The following ASIC2 variants were observed in gnomAD, a reference collection of about 807,000 sequenced individuals.
The protein encoded by ASIC2 is acid-sensing ion channel 2.
ASIC2 carries 25 observed loss-of-function variants against 57.3 expected under a neutral mutation model. The ratio of observed to expected loss-of-function variants is 0.44; its 90% CI spans 0.32 to 0.61. The LOEUF is 0.61. Among genes scored for constraint, ASIC2 ranks in the 20% least tolerant of loss-of-function variants. The probability of loss-of-function intolerance (pLI) is 0.06; values close to 1 mark genes in which losing one functional copy is unlikely to be tolerated. For synonymous variants in ASIC2, 319 were observed against 307.5 expected, an observed-to-expected ratio of 1.04 and a Z score of -0.39; for missense variants, 641 against 738.1, an observed-to-expected ratio of 0.87 and a Z score of 1.52.
At chr17:33,434,901 T>G (rs1277607087) in intron 1 of ASIC2, among the ~76,000 whole-genome samples, 1 of 152,210 alleles carries the variant, frequency 6.6e-6, no homozygotes, top group Non-Finnish European at 1.5e-5. Context: ...TGCAGATTTT[T>G]TTCTAATTTT....
intron 1 of ASIC2, among the ~76,000 whole-genome samples, chr17:33,437,929 A>G (rs62068474): frequency 0.35 from 53,008 of 152,046 alleles, 9,322 homozygotes; most frequent in Middle Eastern, 0.44. Context: ...ACTAGGTTGA[A>G]GTCATGAGAG....
At chr17:33,554,250 T>C (rs1198185997) in intron 1 of ASIC2, among the ~76,000 whole-genome samples, 1 of 152,176 alleles carries the variant, frequency 6.6e-6, no homozygotes, top group Non-Finnish European at 1.5e-5. Context: ...TCAGTTTGAG[T>C]CTACACAAAT....
chr17:33,071,017 C>G (rs1194884608), intron 3 of ASIC2, among the ~76,000 whole-genome samples: 1 of 151,538 alleles, frequency 6.6e-6, no homozygotes, highest in Non-Finnish European at 1.5e-5. Context: ...AGTTATTTTT[C>G]TCTGGACGCT....
intron 1 of ASIC2, among the ~76,000 whole-genome samples, chr17:33,314,392 T>C (rs558388052): frequency 2.0e-5 from 3 of 152,348 alleles, no homozygotes; most frequent in African/African-American, 7.2e-5. Flanking sequence ...TGGCTGAGCA[T>C]GCATATTTCC....
intron 1 of ASIC2, among the ~76,000 whole-genome samples, chr17:33,526,279 A>G (rs930706701): frequency 6.6e-6 from 1 of 152,182 alleles, no homozygotes; most frequent in African/African-American, 2.4e-5. Flanking sequence ...CTTGCAGGGC[A>G]GCAGAGGATG....
intron 1 of ASIC2, among the ~76,000 whole-genome samples, chr17:33,907,260 T>C (rs1376686204): frequency 6.6e-6 from 1 of 152,048 alleles, no homozygotes; most frequent in African/African-American, 2.4e-5. Flanking sequence ...ATCCTGGGGG[T>C]CAGGCGATAA....
At chr17:33,225,887 AC>A (rs1463100639) in intron 1 of ASIC2, among the ~76,000 whole-genome samples, 1 of 152,224 alleles carries the variant, frequency 6.6e-6, no homozygotes, top group Non-Finnish European at 1.5e-5. Context: ...TAATATGGTT[AC>A]CCAAAACCTT....
chr17:33,202,186 C>T (rs1906895115), intron 1 of ASIC2, among the ~76,000 whole-genome samples: 1 of 152,154 alleles, frequency 6.6e-6, no homozygotes, highest in African/African-American at 2.4e-5. Context: ...GCATCAGAAC[C>T]AGCAGGTGGC....
At chr17:33,241,264 A>G (rs577697117) in intron 1 of ASIC2, among the ~76,000 whole-genome samples, 1 of 152,376 alleles carries the variant, frequency 6.6e-6, no homozygotes, top group African/African-American at 2.4e-5. Flanking sequence ...TGGTTCTTGA[A>G]CAGAGGTAGA....
chr17:33,563,830 G>A (rs1916149247), intron 1 of ASIC2, among the ~76,000 whole-genome samples: 2 of 152,202 alleles, frequency 1.3e-5, no homozygotes, highest in South Asian at 2.1e-4. Context: ...GGATGCTAGA[G>A]CCAGGTTTCT....
At chr17:33,783,400 T>C (rs546768189) in intron 1 of ASIC2, among the ~76,000 whole-genome samples, 1 of 152,344 alleles carries the variant, frequency 6.6e-6, no homozygotes, top group Admixed American at 6.5e-5. Flanking sequence ...TGCACTTACA[T>C]CATTGGTCCT....
intron 1 of ASIC2, among the ~76,000 whole-genome samples, chr17:33,459,910 T>G (rs2141910930): frequency 1.3e-5 from 2 of 152,254 alleles, no homozygotes; most frequent in Non-Finnish European, 2.9e-5. Flanking sequence ...GGATATTAAT[T>G]AGGTGGCACC....
intron 1 of ASIC2, among the ~76,000 whole-genome samples, chr17:33,398,661 C>T (rs767374606): frequency 1.3e-5 from 2 of 152,048 alleles, no homozygotes; most frequent in African/African-American, 2.4e-5. Context: ...AACTCCCTCA[C>T]CCTTGAACCT....
chr17:33,969,032 C>G (rs73276649), intron 1 of ASIC2, among the ~76,000 whole-genome samples: 3,361 of 152,260 alleles, frequency 0.022, 89 homozygotes, highest in African/African-American at 0.057. Context: ...TTTAAAAAAA[C>G]ACAGAGGCCC....
At chr17:33,163,607 T>C (rs1161786781) in intron 1 of ASIC2, among the ~76,000 whole-genome samples, 1 of 152,190 alleles carries the variant, frequency 6.6e-6, no homozygotes, top group Non-Finnish European at 1.5e-5. Context: ...ATTCAACAAG[T>C]GTTCGTTGTA....
chr17:33,307,584 A>C (rs1484957983), intron 1 of ASIC2, among the ~76,000 whole-genome samples: 2 of 152,204 alleles, frequency 1.3e-5, no homozygotes, highest in South Asian at 2.1e-4. Flanking sequence ...TGCTGGGATT[A>C]CAGGCATAAG....
intron 1 of ASIC2, among the ~76,000 whole-genome samples, chr17:33,260,816 G>T (rs543218748): frequency 6.6e-6 from 1 of 152,174 alleles, no homozygotes; most frequent in Non-Finnish European, 1.5e-5. Context: ...TCCTCACACC[G>T]TGCAGGTGCA....
At chr17:33,477,488 G>A (rs967846638) in intron 1 of ASIC2, among the ~76,000 whole-genome samples, 1 of 152,196 alleles carries the variant, frequency 6.6e-6, no homozygotes, top group African/African-American at 2.4e-5. Context: ...TATAAATGAA[G>A]GCATAGCATT....
upstream of ASIC2, among the ~76,000 whole-genome samples, chr17:33,293,407 A>G (rs1905592348): frequency 6.6e-6 from 1 of 151,392 alleles, no homozygotes; most frequent in Non-Finnish European, 1.5e-5. Flanking sequence ...TGGCCGCTGC[A>G]CACCGAGCGG....
Sources: allele counts gnomAD v4.1 joint callset (sites outside exome capture counted in the v4.1 genomes callset), GRCh38; gene constraint gnomAD v4.1.1; transcripts MANE v1.5; gene names NCBI Gene and HGNC (gene_info 2026-07-23, HGNC 2026-07-21).